The following ATRN variants were observed in gnomAD, a reference collection of about 807,000 sequenced individuals.
ATRN encodes the protein attractin, also known as attractin-2.
Under a neutral mutation model 178.7 loss-of-function variants are expected in ATRN, and 54 were observed. That is an observed-to-expected ratio of 0.30 (90% CI 0.24 to 0.38). The LOEUF (loss-of-function observed/expected upper bound fraction) is 0.38, where lower values mean the gene tolerates loss of function less well. Ranked by LOEUF, ATRN falls within the 10% of genes least tolerant of loss-of-function variation. The probability of loss-of-function intolerance (pLI) is 1.00; values close to 1 mark genes in which losing one functional copy is unlikely to be tolerated. For missense variants in ATRN, 1,443 were observed against 1,815.1 expected (o/e 0.79, Z 3.73); for synonymous variants, 636 against 663.0 (o/e 0.96, Z 0.63).
chr20:3,644,336 C>T, intron 28 of ATRN, 68 bp downstream of exon 28: 1 of 1,317,872 alleles, frequency 7.6e-7, no homozygotes, highest in Non-Finnish European at 1.1e-6. Flanking sequence ...GGGATACTTC[C>T]CTTTCCTAGA....
chr20:3,616,817 A>C (rs2086851504), intron 24 of ATRN, among the ~76,000 whole-genome samples: 2 of 152,070 alleles, frequency 1.3e-5, no homozygotes, highest in African/African-American at 4.8e-5. Flanking sequence ...TCCAGGTGGA[A>C]TTCTTGTGTA....
chr20:3,623,224 C>T (rs182687539), intron 24 of ATRN, among the ~76,000 whole-genome samples: 1 of 152,136 alleles, frequency 6.6e-6, no homozygotes, highest in Admixed American at 6.5e-5. Flanking sequence ...GGCTCATATT[C>T]CGCAGCTTTC....
chr20:3,619,415 C>A (rs1308119077), intron 24 of ATRN, among the ~76,000 whole-genome samples: 1 of 152,132 alleles, frequency 6.6e-6, no homozygotes, highest in African/African-American at 2.4e-5. Flanking sequence ...CCGACCAGAA[C>A]GCAAGTCCTG....
At chr20:3,603,817 C>T (rs549764086) in intron 23 of ATRN, among the ~76,000 whole-genome samples, 8 of 152,204 alleles carry the variant, frequency 5.3e-5, no homozygotes, top group African/African-American at 1.9e-4. Flanking sequence ...GGGGCATAGG[C>T]TTGTATATCA....
chr20:3,537,262 T>G (rs1056093828), intron 2 of ATRN, among the ~76,000 whole-genome samples: 1 of 152,226 alleles, frequency 6.6e-6, no homozygotes, highest in African/African-American at 2.4e-5. Context: ...TTGTTTTCTT[T>G]GAAGTGGCAG....
intron 1 of ATRN, among the ~76,000 whole-genome samples, chr20:3,520,534 A>T (rs1457665711): frequency 6.6e-6 from 1 of 152,146 alleles, no homozygotes; most frequent in Admixed American, 6.6e-5. Flanking sequence ...TTGCTCTGTC[A>T]CCCAGGCTGG....
At position 3,648,304 on chromosome 20, in the gene ATRN, C is replaced by T. The variant is rs1001964206; in HGVS notation, c.*1457C>T. The stretch of plus-strand genomic sequence containing the variant: ...GAAAACTCTGCCAAATGGAAAATGA[C>T]CAAATTTAAGAGGGTGGGACAGTCC... On this transcript the variant is annotated 3_prime_UTR_variant, in exon 29 of 29. Coordinates refer to ENST00000262919, the MANE Select transcript of ATRN (RefSeq NM_139321.3). 1 of 151,570 alleles carries T rather than the reference C, an allele frequency of 6.6e-6. No individual in the cohort carries two copies. Among genetic ancestry groups the T allele is most frequent in the Non-Finnish European group, 1.5e-5 (1 of 67,954 alleles). 9.4% of individuals were successfully genotyped at this position (151,570 alleles called of 1,614,324 possible).
At chr20:3,507,737 T>C (rs2085066783) in intron 1 of ATRN, among the ~76,000 whole-genome samples, 1 of 149,510 alleles carries the variant, frequency 6.7e-6, no homozygotes, top group Non-Finnish European at 1.5e-5. Context: ...TCTTGCTCTG[T>C]TGCCAGGCTG....
chr20:3,492,463 G>T (rs2084808199), intron 1 of ATRN, among the ~76,000 whole-genome samples: 1 of 152,106 alleles, frequency 6.6e-6, no homozygotes, highest in Non-Finnish European at 1.5e-5. Flanking sequence ...CTGCTGTAGG[G>T]TGCTTAGTAG....
chr20:3,576,837 G>C (rs759439256), intron 13 of ATRN, 22 bp from the exon 14 acceptor site: 1 of 1,611,302 alleles, frequency 6.2e-7, no homozygotes, highest in African/African-American at 1.3e-5. Flanking sequence ...CAAAAGAAAA[G>C]CTTTTGTCCA....
chr20:3,622,122 G>T (rs752600488), intron 24 of ATRN, among the ~76,000 whole-genome samples: 18 of 152,226 alleles, frequency 1.2e-4, no homozygotes, highest in Non-Finnish European at 2.4e-4. Context: ...TGTGGCTTCA[G>T]TTGTGCACAT....
At chr20:3,644,877 C>T (rs547616772) in intron 28 of ATRN, among the ~76,000 whole-genome samples, 1 of 152,330 alleles carries the variant, frequency 6.6e-6, no homozygotes, top group Admixed American at 6.5e-5. Flanking sequence ...TTCTTTCCAG[C>T]CCTGGCCAGC....
intron 2 of ATRN, among the ~76,000 whole-genome samples, chr20:3,536,506 C>T (rs536273041): frequency 5.3e-5 from 8 of 152,236 alleles, no homozygotes; most frequent in South Asian, 2.1e-4. Context: ...CCACTGCACC[C>T]GGCCCCAAAT....
intron 24 of ATRN, among the ~76,000 whole-genome samples, chr20:3,617,609 A>G (rs1382099240): frequency 1.3e-5 from 2 of 152,170 alleles, no homozygotes; most frequent in Non-Finnish European, 2.9e-5. Flanking sequence ...ACTTGAAGCC[A>G]GGAGTTCGAG....
intron 1 of ATRN, among the ~76,000 whole-genome samples, chr20:3,506,553 G>A (rs372323080): frequency 6.6e-6 from 1 of 151,898 alleles, no homozygotes; most frequent in Non-Finnish European, 1.5e-5. Context: ...GAACCGAGGA[G>A]GCGGAGGCTG....
At chr20:3,553,015 AG>A (rs1209512277) in intron 6 of ATRN, among the ~76,000 whole-genome samples, 1 of 152,030 alleles carries the variant, frequency 6.6e-6, no homozygotes, top group African/African-American at 2.4e-5. Context: ...CTTACCTCCT[AG>A]GGGAGGGGAT....
At position 3,565,425 on chromosome 20, in the gene ATRN, C is replaced by T; in HGVS notation, c.1864C>T (p.His622Tyr). 1.2e-6 allele frequency: 2 copies of T among 1,612,596 alleles called. No individual in the cohort carries two copies. Among genetic ancestry groups the T allele is most frequent in the Non-Finnish European group, 1.7e-6 (2 of 1,178,652 alleles). ...CAGATTTGGCCATTCAGCAGTCTTA[C>T]ACAACAGGTAATTGGAGAAGTGATT... Reference protein sequence around the residue: ...VNRFGHSAVLHNSTMYVFGGF... With the variant: ...VNRFGHSAVLYNSTMYVFGGF... Residue 622 changes from histidine (H) to tyrosine (Y), a missense_variant, in exon 11 of 29, where the codon CAC becomes TAC. By Grantham distance (83) the His-to-Tyr change is moderately conservative (BLOSUM62 2). This residue lies in a region of ATRN where 862 missense variants were observed against 972.1 expected (regional missense o/e 0.89). Coordinates refer to ENST00000262919, the MANE Select transcript of ATRN (RefSeq NM_139321.3).
At chr20:3,525,956 A>G (rs952270382) in intron 1 of ATRN, among the ~76,000 whole-genome samples, 7 of 152,146 alleles carry the variant, frequency 4.6e-5, no homozygotes, top group Non-Finnish European at 1.0e-4. Context: ...ACTGAATGGG[A>G]AAAAGCTGGA....
At chr20:3,590,712 T>C (rs1600137162) in intron 18 of ATRN, among the ~76,000 whole-genome samples, 1 of 152,090 alleles carries the variant, frequency 6.6e-6, no homozygotes, top group African/African-American at 2.4e-5. Context: ...TGAAATAAGG[T>C]GGTAAAATAG....
Sources: allele counts gnomAD v4.1 joint callset (sites outside exome capture counted in the v4.1 genomes callset), GRCh38; gene constraint gnomAD v4.1.1; regional missense constraint gnomAD v4.1.1; transcripts MANE v1.5; gene names NCBI Gene and HGNC (gene_info 2026-07-23, HGNC 2026-07-21).